AHCTF1: variants seen among roughly 807,000 people sequenced by gnomAD.
The protein encoded by AHCTF1 is protein ELYS.
AHCTF1 carries 24 observed loss-of-function variants against 248.4 expected under a neutral mutation model. The ratio of observed to expected loss-of-function variants is 0.10; its 90% CI spans 0.07 to 0.14. AHCTF1 has a LOEUF of 0.14. AHCTF1 is among the 10% of genes least tolerant of loss of function. AHCTF1 has a pLI of 1.00. For synonymous variants in AHCTF1, 786 were observed against 929.8 expected (o/e 0.85, Z 2.81); for missense variants, 2,206 against 2,636.2 (o/e 0.84, Z 3.57).
At chr1:246,931,448 G>A in intron 1 of AHCTF1, 130 bp downstream of exon 1, 7 of 1,173,334 alleles carry the variant, frequency 6.0e-6, no homozygotes, top group Non-Finnish European at 7.5e-6. Flanking sequence ...CGCACGCCCG[G>A]CCTAGGCCCG....
At chr1:246,863,164 CTT>C (rs1458641410) in intron 27 of AHCTF1, among the ~76,000 whole-genome samples, 5 of 152,050 alleles carry the variant, frequency 3.3e-5, no homozygotes, top group Non-Finnish European at 7.4e-5. Flanking sequence ...GAAACCTAAT[CTT>C]TTCAACTTAT....
chr1:246,849,549 A>G (rs1660538252), intron 33 of AHCTF1, 66 bp downstream of exon 33: 1 of 1,522,840 alleles, frequency 6.6e-7, no homozygotes, highest in Non-Finnish European at 8.8e-7. Flanking sequence ...TTTTAGGACA[A>G]ATAACCAAAT....
At chr1:246,924,130 A>G (rs367768011) in intron 1 of AHCTF1, among the ~76,000 whole-genome samples, 1 of 152,222 alleles carries the variant, frequency 6.6e-6, no homozygotes, top group African/African-American at 2.4e-5. Flanking sequence ...CACAGAAGAG[A>G]ATCAATACTA....
intron 1 of AHCTF1, among the ~76,000 whole-genome samples, chr1:246,924,237 GAAC>G (rs1470528826): frequency 6.6e-6 from 1 of 152,100 alleles, no homozygotes; most frequent in Non-Finnish European, 1.5e-5. Context: ...TACATTAAAA[GAAC>G]TACTATAAAT....
intron 2 of AHCTF1, among the ~76,000 whole-genome samples, chr1:246,917,639 C>T (rs575194597): frequency 3.3e-5 from 5 of 152,248 alleles, no homozygotes; most frequent in African/African-American, 7.2e-5. Flanking sequence ...AAGAGAATGG[C>T]GCTGTCAAGA....
At chr1:246,854,091 A>T (rs2103050307) in intron 31 of AHCTF1, among the ~76,000 whole-genome samples, 1 of 152,224 alleles carries the variant, frequency 6.6e-6, no homozygotes, top group Middle Eastern at 3.4e-3. Context: ...TGAGGTCAGG[A>T]GATCGAGACC....
chr1:246,850,311 G>A lies in AHCTF1; in HGVS notation c.5695C>T (p.Pro1899Ser), dbSNP rs1370022989. ...CTCAATTTTCTGATCATTCTGCTAG[G>A]ACTTGTTACCGTACTAACTTTTAGA... ...NDLKVSTVTSPSRMIRKLRST... is the reference protein window; with the variant it reads ...NDLKVSTVTSSSRMIRKLRST... Residue 1899 changes from proline (P) to serine (S), a missense_variant, in exon 33 of 36, where the codon CCT becomes TCT. By Grantham distance (74) the Pro-to-Ser change is moderately conservative. This residue lies in a region of AHCTF1 where 469 missense variants were observed against 470.0 expected (regional missense o/e 1.00). Transcript: ENST00000648844. 1 of 1,613,704 alleles carries A rather than the reference G, an allele frequency of 6.2e-7. No homozygotes were observed. Among genetic ancestry groups the A allele is most frequent in the African/African-American group, 1.3e-5 (1 of 74,870 alleles).
intron 28 of AHCTF1, among the ~76,000 whole-genome samples, 187 bp downstream of exon 28, chr1:246,861,772 T>C (rs886106434): frequency 6.6e-6 from 1 of 152,230 alleles, no homozygotes; most frequent in Non-Finnish European, 1.5e-5. Context: ...GATGATGGGT[T>C]TGGCTTAGCC....
chr1:246,901,290 G>A lies in AHCTF1; in HGVS notation c.1118-821C>T, dbSNP rs558297807. On this transcript the variant is annotated intron_variant, in intron 8 of 35. Coordinates refer to ENST00000648844, the MANE Select transcript of AHCTF1 (RefSeq NM_001323342.2). ...TGGGAAGCAGAGGTTGCAGTGAGAC[G>A]AGATCGTGCAAGTGCACTCCAGCCT... Among the ~76,000 whole-genome samples, 210 of 152,194 alleles carry A rather than the reference G, an allele frequency of 1.4e-3. 1 individual carries two copies. Among genetic ancestry groups the A allele is most frequent in the Non-Finnish European group, 2.4e-3 (163 of 68,006 alleles).
chr1:246,911,584 A>C (rs1665808886), intron 4 of AHCTF1, among the ~76,000 whole-genome samples: 1 of 149,702 alleles, frequency 6.7e-6, no homozygotes. Flanking sequence ...CCCAGGTTCA[A>C]GTGATTCTCC....
intron 3 of AHCTF1, 109 bp from the exon 4 acceptor site, chr1:246,913,521 A>G (rs1444524169): frequency 9.4e-7 from 1 of 1,063,594 alleles, no homozygotes; most frequent in Non-Finnish European, 1.3e-6. Flanking sequence ...ATTTAAGACT[A>G]TAGAGTAAAT....
intron 1 of AHCTF1, among the ~76,000 whole-genome samples, chr1:246,927,021 AAAC>A (rs1302406447): frequency 7.3e-5 from 11 of 150,818 alleles, no homozygotes; most frequent in South Asian, 6.3e-4. Context: ...AAAAATACAG[AAAC>A]AAAATTAGCA....
In AHCTF1 at chr1:246,902,637, C is replaced by A; in HGVS notation, c.1005G>T (p.Leu335=). Residue 335 remains leucine (L), a synonymous_variant, in exon 8 of 36, where the codon CTG becomes CTT. Coordinates refer to ENST00000648844, the MANE Select transcript of AHCTF1 (RefSeq NM_001323342.2). ...CCCTCAAAGGGAACATGCCACCTGT[C>A]AGGTCCAGGGTGTATCTTTCTTCAC... ...EYCEERYTLD[L]TGGMFPLRGQ... The A allele has an allele frequency of 6.2e-7, 1 of 1,613,508 alleles. No homozygotes were observed.
intron 2 of AHCTF1, 54 bp from the exon 3 acceptor site, chr1:246,916,449 A>G (rs1387553241): frequency 8.0e-6 from 12 of 1,491,146 alleles, no homozygotes; most frequent in Non-Finnish European, 3.6e-6. Flanking sequence ...AAAACATGCA[A>G]TAACGGTTAG....
intron 29 of AHCTF1, among the ~76,000 whole-genome samples, chr1:246,860,599 A>G (rs1220082739): frequency 2.0e-5 from 3 of 152,168 alleles, no homozygotes; most frequent in African/African-American, 7.2e-5. Context: ...CACGCAGGCT[A>G]AAGTACAGTG....
At chr1:246,869,199 G>A (rs1199894117) in intron 24 of AHCTF1, among the ~76,000 whole-genome samples, 1 of 152,088 alleles carries the variant, frequency 6.6e-6, no homozygotes, top group Admixed American at 6.5e-5. Context: ...TGTCCAGCAA[G>A]TCTACTGGCA....
intron 24 of AHCTF1, among the ~76,000 whole-genome samples, chr1:246,872,891 G>C (rs1422165149): frequency 6.6e-6 from 1 of 152,152 alleles, no homozygotes; most frequent in African/African-American, 2.4e-5. Context: ...TCCCACTGAG[G>C]TTAAGCTTCA....
intron 3 of AHCTF1, among the ~76,000 whole-genome samples, chr1:246,915,190 C>T (rs559541673): frequency 5.3e-5 from 8 of 152,058 alleles, no homozygotes; most frequent in African/African-American, 9.7e-5. Context: ...ATTAGCTGGG[C>T]GTGGTGGTGC....
At position 246,844,737 on chromosome 1, in the gene AHCTF1, A is replaced by G. The variant is rs577874301; in HGVS notation, c.6392-809T>C. ...AAAAGCTAACAGGAAGATATTCCAT[A>G]GAAAAATAAAAATGGTTTAAACAAC... On this transcript the variant is annotated intron_variant, in intron 33 of 35. Transcript: ENST00000648844. 4.6e-5 allele frequency among the ~76,000 whole-genome samples: 7 copies of G among 152,334 alleles called. No homozygotes were observed. In the East Asian group the frequency reaches 1.3e-3, roughly 29 times the overall value.
Sources: gnomAD v4.1 joint callset for allele counts (sites outside exome capture counted in the v4.1 genomes callset) on GRCh38, gnomAD v4.1.1 for gene constraint, gnomAD v4.1.1 regional missense constraint, MANE v1.5 for transcripts, NCBI Gene and HGNC (gene_info 2026-07-23, HGNC 2026-07-21) for gene names.